Variants in RAD51B observed in about 807,000 individuals in gnomAD.
RAD51B encodes RAD51 paralog B, also known as DNA repair protein RAD51 homolog 2.
Under a neutral mutation model 42.2 loss-of-function variants are expected in RAD51B, and 38 were observed. The ratio of observed to expected loss-of-function variants is 0.90; its 90% CI spans 0.70 to 1.18. The LOEUF (loss-of-function observed/expected upper bound fraction) is 1.18, where lower values mean the gene tolerates loss of function less well. Ranked by LOEUF, RAD51B falls within the 50% of genes most tolerant of loss-of-function variation. The pLI is 0.00. For synonymous variants in RAD51B, 154 were observed against 145.2 expected, an observed-to-expected ratio of 1.06 and a Z score of -0.43; for missense variants, 373 against 400.7, an observed-to-expected ratio of 0.93 and a Z score of 0.59.
intron 4 of RAD51B, among the ~76,000 whole-genome samples, chr14:67,849,338 A>G (rs2041726763): frequency 6.6e-6 from 1 of 151,752 alleles, no homozygotes; most frequent in Non-Finnish European, 1.5e-5. Context: ...CTGGAGTGCA[A>G]TGGCGCAAAC....
At chr14:68,056,232 C>T (rs992805852) in intron 7 of RAD51B, among the ~76,000 whole-genome samples, 1 of 152,126 alleles carries the variant, frequency 6.6e-6, no homozygotes, top group Non-Finnish European at 1.5e-5. Context: ...GATCTTGTCT[C>T]ACTGTAAACT....
At position 68,652,454 on chromosome 14, in the gene RAD51B, C is replaced by T. The variant is rs147013253; in HGVS notation, c.*11+1598C>T. Among the ~76,000 whole-genome samples the T allele has an allele frequency of 1.5e-3, 233 of 152,366 alleles. 1 individual carries two copies. The highest frequency in any genetic ancestry group is 6.8e-3 in the Middle Eastern group (2 of 294). On this transcript the variant is annotated intron_variant, in intron 11 of 11. Transcript: ENST00000488612. ...CCCCCTCCCCAGCCCTCCAACAGCA[C>T]TAGCTGTGGGAAAGGGATCCCGTCT...
chr14:68,479,891 A>C, downstream of RAD51B, among the ~76,000 whole-genome samples: 1 of 151,208 alleles, frequency 6.6e-6, no homozygotes, highest in East Asian at 1.9e-4. Context: ...CTGGTCTTGA[A>C]CTCCTGGGCT....
chr14:67,911,941 A>C (rs2043996015), intron 7 of RAD51B, among the ~76,000 whole-genome samples: 1 of 152,244 alleles, frequency 6.6e-6, no homozygotes, highest in African/African-American at 2.4e-5. Flanking sequence ...TTTCAGTTAC[A>C]TGAATAGAGA....
At chr14:67,852,961 A>G (rs1358651652) in intron 4 of RAD51B, among the ~76,000 whole-genome samples, 1 of 152,060 alleles carries the variant, frequency 6.6e-6, no homozygotes, top group East Asian at 1.9e-4. Context: ...AGATGGGGAG[A>G]TTATTTGGAT....
chr14:68,084,791 T>A (rs1289053521), intron 7 of RAD51B, among the ~76,000 whole-genome samples: 1 of 152,198 alleles, frequency 6.6e-6, no homozygotes, highest in Non-Finnish European at 1.5e-5. Flanking sequence ...CTGCTATATA[T>A]ATGCCTGCCT....
chr14:68,676,049 T>C (rs1893296858), intron 11 of RAD51B, among the ~76,000 whole-genome samples: 1 of 152,248 alleles, frequency 6.6e-6, no homozygotes, highest in South Asian at 2.1e-4. Flanking sequence ...TCATTATTAC[T>C]ATTATTTCAC....
chr14:68,324,188 G>C (rs979150070), intron 8 of RAD51B, among the ~76,000 whole-genome samples: 3 of 152,154 alleles, frequency 2.0e-5, no homozygotes, highest in Non-Finnish European at 4.4e-5. Flanking sequence ...TGGTTCTCAA[G>C]TAATCTCTTG....
At position 68,120,456 on chromosome 14, in the gene RAD51B, A is replaced by G. The variant is rs547749610; in HGVS notation, c.757-171428A>G. Among the ~76,000 whole-genome samples, 539 of 152,356 alleles carry G rather than the reference A, an allele frequency of 3.5e-3. 6 individuals carry two copies. Among genetic ancestry groups the G allele is most frequent in the African/African-American group, 0.012 (508 of 41,586 alleles). ...AGGCAGGTTTTAGATAGAAATTCTCATTAGGGCAGAGATCTTTGTTACCCA... is the reference window on the plus strand; with the variant it reads ...AGGCAGGTTTTAGATAGAAATTCTCGTTAGGGCAGAGATCTTTGTTACCCA... On this transcript the variant is annotated intron_variant, in intron 7 of 10. Transcript: ENST00000471583.
intron 7 of RAD51B, among the ~76,000 whole-genome samples, chr14:68,137,383 A>G (rs979208680): frequency 5.9e-5 from 9 of 152,224 alleles, no homozygotes; most frequent in African/African-American, 2.2e-4. Flanking sequence ...TTTAAGTTAC[A>G]TAAAACAACC....
chr14:68,280,984 G>C (rs1367406336), intron 7 of RAD51B, among the ~76,000 whole-genome samples: 1 of 151,866 alleles, frequency 6.6e-6, no homozygotes, highest in Non-Finnish European at 1.5e-5. Flanking sequence ...TTGAGCTCAG[G>C]AGTTCAAGGC....
At chr14:68,161,595 C>G (rs913060246) in intron 7 of RAD51B, among the ~76,000 whole-genome samples, 1 of 152,162 alleles carries the variant, frequency 6.6e-6, no homozygotes, top group African/African-American at 2.4e-5. Flanking sequence ...TCTTTTCCCC[C>G]CAAAAGGGAT....
intron 7 of RAD51B, among the ~76,000 whole-genome samples, chr14:67,982,755 G>A (rs565998145): frequency 2.0e-5 from 3 of 151,190 alleles, no homozygotes; most frequent in South Asian, 4.1e-4. Context: ...AAAACCAAAT[G>A]ATTACTAAAC....
intron 7 of RAD51B, among the ~76,000 whole-genome samples, chr14:67,923,298 C>CTT (rs34809964): frequency 0.02 from 2,428 of 123,556 alleles, 129 homozygotes; most frequent in African/African-American, 0.074. Context: ...TTTTCTTTTT[C>CTT]TTTTTTTTTT....
At chr14:68,080,723 A>T (rs770296550) in intron 7 of RAD51B, among the ~76,000 whole-genome samples, 22 of 152,226 alleles carry the variant, frequency 1.4e-4, no homozygotes, top group Non-Finnish European at 2.4e-4. Context: ...CTACTTTCTC[A>T]TCTGAAAAAC....
At chr14:68,243,989 G>A (rs867713656) in intron 7 of RAD51B, among the ~76,000 whole-genome samples, 19 of 152,064 alleles carry the variant, frequency 1.2e-4, no homozygotes, top group Admixed American at 6.5e-4. Flanking sequence ...ATGTCTTTTC[G>A]TGATGACCTG....
At position 68,390,862 on chromosome 14, in the gene RAD51B, G is replaced by A. The variant is rs988965515; in HGVS notation, c.854-20562G>A. Among the ~76,000 whole-genome samples, 27 of 152,182 alleles carry A rather than the reference G, an allele frequency of 1.8e-4. 1 individual carries two copies. Among genetic ancestry groups the A allele is most frequent in the Non-Finnish European group, 2.9e-5 (2 of 68,028 alleles). ...ACATAGAGAAAGAGCGTCAGAGGAA[G>A]GATTAGGGTGTCCTCTAGACCTCAT... On this transcript the variant is annotated intron_variant, in intron 8 of 10. Transcript: ENST00000471583.
At chr14:68,476,486 G>A (rs1183132176) in intron 10 of RAD51B, among the ~76,000 whole-genome samples, 3 of 152,202 alleles carry the variant, frequency 2.0e-5, no homozygotes, top group African/African-American at 4.8e-5. Context: ...CACCGATGAA[G>A]TGTAAATCAT....
chr14:68,681,434 A>G (rs901120907), intron 11 of RAD51B, among the ~76,000 whole-genome samples: 4 of 152,236 alleles, frequency 2.6e-5, no homozygotes, highest in Non-Finnish European at 5.9e-5. Flanking sequence ...GCAACGTACC[A>G]TGAAAACATC....
Sources: allele counts gnomAD v4.1 joint callset (sites outside exome capture counted in the v4.1 genomes callset), GRCh38; gene constraint gnomAD v4.1.1; transcripts MANE v1.5; gene names NCBI Gene and HGNC (gene_info 2026-07-23, HGNC 2026-07-21).